ZEB1: variants seen among roughly 807,000 people sequenced by gnomAD.
ZEB1 encodes the protein zinc finger E-box binding homeobox 1, also known as zinc finger E-box-binding homeobox 1.
Under a neutral mutation model 84.9 loss-of-function variants are expected in ZEB1, and 21 were observed. That is an observed-to-expected ratio of 0.25 (90% confidence interval 0.18 to 0.36). The LOEUF (loss-of-function observed/expected upper bound fraction) is 0.36. ZEB1 is among the 10% of genes least tolerant of loss of function. The pLI is 1.00. For missense variants in ZEB1, 1,104 were observed against 1,330.2 expected, an observed-to-expected ratio of 0.83 and a Z score of 2.65; for synonymous variants, 420 against 471.1, an observed-to-expected ratio of 0.89 and a Z score of 1.41.
chr10:31,498,468 T>A (rs1328766253), intron 3 of ZEB1, among the ~76,000 whole-genome samples: 1 of 152,092 alleles, frequency 6.6e-6, no homozygotes, highest in African/African-American at 2.4e-5. Flanking sequence ...TTCTTTAAGG[T>A]GTAAATAGCT....
At chr10:31,420,048 T>A (rs1189185969) in intron 1 of ZEB1, among the ~76,000 whole-genome samples, 1 of 152,160 alleles carries the variant, frequency 6.6e-6, no homozygotes, top group Non-Finnish European at 1.5e-5. Flanking sequence ...TTTGTTCTAA[T>A]GTATACTACT....
intron 1 of ZEB1, among the ~76,000 whole-genome samples, chr10:31,446,624 G>A (rs1346031755): frequency 1.3e-4 from 19 of 151,978 alleles, no homozygotes; most frequent in Non-Finnish European, 2.4e-4. Context: ...CTTTGTTCTC[G>A]TTGGTTTCAA....
intron 1 of ZEB1, among the ~76,000 whole-genome samples, chr10:31,447,165 G>A (rs1167811456): frequency 6.6e-6 from 1 of 152,016 alleles, no homozygotes; most frequent in Non-Finnish European, 1.5e-5. Context: ...TTACCATTAT[G>A]TAATGGCCTT....
intron 2 of ZEB1, among the ~76,000 whole-genome samples, chr10:31,468,104 G>C (rs915362107): frequency 1.3e-5 from 2 of 152,106 alleles, no homozygotes; most frequent in African/African-American, 4.8e-5. Context: ...CTAGAGTGTT[G>C]TTCCAGCTGC....
chr10:31,429,448 T>C (rs1350202389), intron 1 of ZEB1, among the ~76,000 whole-genome samples: 3 of 152,140 alleles, frequency 2.0e-5, no homozygotes, highest in Non-Finnish European at 4.4e-5. Context: ...ACAGGCATAC[T>C]GCATGTTCTC....
At chr10:31,404,966 A>G (rs766331212) in intron 1 of ZEB1, among the ~76,000 whole-genome samples, 8 of 152,130 alleles carry the variant, frequency 5.3e-5, no homozygotes, top group Non-Finnish European at 1.0e-4. Flanking sequence ...AGCTTTTTTA[A>G]TGTTCTGCTA....
intron 1 of ZEB1, among the ~76,000 whole-genome samples, chr10:31,339,554 G>A (rs1170148791): frequency 6.6e-6 from 1 of 152,052 alleles, no homozygotes; most frequent in Non-Finnish European, 1.5e-5. Context: ...TGGATCACAA[G>A]GTCAGGAGTT....
chr10:31,466,371 A>G (rs1277320038), intron 2 of ZEB1, among the ~76,000 whole-genome samples: 2 of 152,238 alleles, frequency 1.3e-5, no homozygotes, highest in South Asian at 2.1e-4. Context: ...AGGCCACAAG[A>G]TAAGTTTTAA....
chr10:31,387,725 G>T, intron 1 of ZEB1: 1 of 984,196 alleles, frequency 1.0e-6, no homozygotes, highest in Non-Finnish European at 1.2e-6. Flanking sequence ...TTCAGGGAAA[G>T]CCCCTCAAAC....
At position 31,523,961 on chromosome 10, in the gene ZEB1, G is replaced by A; in HGVS notation, c.2633G>A (p.Gly878Glu). 4 of 1,613,896 alleles carry A rather than the reference G, an allele frequency of 2.5e-6. No homozygotes were observed. The highest frequency in any genetic ancestry group is 3.4e-6 in the Non-Finnish European group (4 of 1,179,910). Residue 878 changes from glycine to glutamate, a missense_variant, in exon 8 of 9, where the codon GGA becomes GAA. This residue lies in a region of ZEB1 where 531 missense variants were observed against 575.2 expected (regional missense o/e 0.92). Transcript: ENST00000424869. Reference sequence around the variant, plus strand: ...GAAAGACAAGATACTAGCTCAGAAGGAGTATCAAATGTAGAGGATCAGAAT... The same window carrying A: ...GAAAGACAAGATACTAGCTCAGAAGAAGTATCAAATGTAGAGGATCAGAAT... Reference protein sequence around the residue: ...QDERQDTSSEGVSNVEDQNDS... With the variant: ...QDERQDTSSEEVSNVEDQNDS...
intron 4 of ZEB1, among the ~76,000 whole-genome samples, chr10:31,509,160 T>G (rs2069512594): frequency 6.6e-6 from 1 of 152,136 alleles, no homozygotes; most frequent in Admixed American, 6.5e-5. Context: ...GCTCTCAAAA[T>G]AGTGCTGTGC....
At chr10:31,448,603 C>T (rs959892491) in intron 1 of ZEB1, among the ~76,000 whole-genome samples, 3 of 151,308 alleles carry the variant, frequency 2.0e-5, no homozygotes, top group African/African-American at 4.9e-5. Context: ...TGTGGATGTC[C>T]TTTCTGTTTG....
At chr10:31,346,868 C>G (rs1203550303) in intron 1 of ZEB1, among the ~76,000 whole-genome samples, 1 of 152,050 alleles carries the variant, frequency 6.6e-6, no homozygotes, top group Non-Finnish European at 1.5e-5. Context: ...CTAATTAAGT[C>G]TTTTCCTTGG....
At chr10:31,438,838 C>T (rs1045175094) in intron 1 of ZEB1, among the ~76,000 whole-genome samples, 5 of 152,056 alleles carry the variant, frequency 3.3e-5, no homozygotes, top group Admixed American at 6.6e-5. Flanking sequence ...AGTGAGACCT[C>T]GTGTCTAAAA....
intron 1 of ZEB1, among the ~76,000 whole-genome samples, chr10:31,337,244 T>C (rs2038301266): frequency 6.6e-6 from 1 of 152,108 alleles, no homozygotes; most frequent in African/African-American, 2.4e-5. Flanking sequence ...AATTAAGTAA[T>C]ATATTGTTTA....
Position 31,319,356 on chromosome 10 carries a change from CG to C in ZEB1, c.58+69del, listed in dbSNP as rs528404361. Reference sequence around the variant, plus strand: ...GGGAGCTGGGCAGCCGGGGCGCCCCCGGGGGTGAGGGGGGCGAGCCGGGCTG... The same window carrying C: ...GGGAGCTGGGCAGCCGGGGCGCCCCCGGGGTGAGGGGGGCGAGCCGGGCTG... On this transcript the variant is annotated intron_variant, in intron 1 of 8. Transcript: ENST00000424869. The C allele has an allele frequency of 1.7e-4, 263 of 1,514,114 alleles. 4 individuals are homozygous for C. In the South Asian group the frequency reaches 3.0e-3, roughly 17 times the overall value. The allele number at this position is 1,514,114 out of a possible 1,614,324, so 93.8% of individuals were successfully genotyped here.
At chr10:31,363,904 A>G (rs1282534617) in intron 1 of ZEB1, 4 of 1,312,712 alleles carry the variant, frequency 3.0e-6, no homozygotes, top group African/African-American at 3.0e-5. Context: ...ACGGCCCACA[A>G]TTCCCCGGGC....
At chr10:31,396,971 T>C (rs1479956097) in intron 1 of ZEB1, among the ~76,000 whole-genome samples, 1 of 151,458 alleles carries the variant, frequency 6.6e-6, no homozygotes, top group Non-Finnish European at 1.5e-5. Flanking sequence ...GTTAATAAAA[T>C]AGCTCGAGCT....
chr10:31,416,762 A>G (rs752641916), intron 1 of ZEB1, among the ~76,000 whole-genome samples: 1 of 152,152 alleles, frequency 6.6e-6, no homozygotes, highest in Non-Finnish European at 1.5e-5. Context: ...CAATGACTCA[A>G]AAACATGGGC....
Sources: allele counts gnomAD v4.1 joint callset (sites outside exome capture counted in the v4.1 genomes callset), GRCh38; gene constraint gnomAD v4.1.1; regional missense constraint gnomAD v4.1.1; transcripts MANE v1.5; gene names NCBI Gene and HGNC (gene_info 2026-07-23, HGNC 2026-07-21).